The following ARVCF variants were observed in gnomAD, a reference collection of about 807,000 sequenced individuals.
ARVCF encodes the protein splicing regulator ARVCF.
A neutral mutation model predicts 90.9 loss-of-function variants in ARVCF; 66 were observed. The observed-to-expected ratio is 0.73, with a 90% CI of 0.60 to 0.89. The LOEUF is 0.89. Ranked by LOEUF, ARVCF falls within the 40% of genes least tolerant of loss-of-function variation. The pLI is 0.00. For synonymous variants in ARVCF, 653 were observed against 603.4 expected, an observed-to-expected ratio of 1.08 and a Z score of -1.21; for missense variants, 1,469 against 1,382.3, an observed-to-expected ratio of 1.06 and a Z score of -1.00.
chr22:19,973,377 G>C, intron 13 of ARVCF, 60 bp from the exon 14 acceptor site: 1 of 1,517,470 alleles, frequency 6.6e-7, no homozygotes, highest in Non-Finnish European at 8.8e-7. Context: ...GGAAGGAGCA[G>C]GGATCCCGCG....
chr22:20,005,791 G>A (rs927090220), intron 2 of ARVCF, among the ~76,000 whole-genome samples: 44 of 143,656 alleles, frequency 3.1e-4, no homozygotes, highest in African/African-American at 1.1e-3. Flanking sequence ...GCGAGACTCC[G>A]TCTAAAAAAA....
In ARVCF at chr22:19,977,560, C is replaced by A; in HGVS notation, c.1725G>T (p.Met575Ile). The A allele has an allele frequency of 1.3e-6, 2 of 1,564,008 alleles. No individual in the cohort carries two copies. The highest frequency in any genetic ancestry group is 1.7e-6 in the Non-Finnish European group (2 of 1,155,644). Reference sequence around the variant, plus strand: ...TGTGCACGTGGTAGGACAGGTTCCGCATGATGCACACGCAGTTCTCCACCG... The same window carrying A: ...TGTGCACGTGGTAGGACAGGTTCCGAATGATGCACACGCAGTTCTCCACCG... The part of the protein sequence containing the change: ...NKSVENCVCI[M>I]RNLSYHVHKE... Residue 575 changes from methionine to isoleucine, a missense_variant, in exon 9 of 20, where the codon ATG (methionine) becomes ATT (isoleucine). Met to Ile is a conservative substitution (Grantham distance 10, BLOSUM62 1). Transcript: ENST00000263207.
chr22:20,011,715 C>T (rs150263564), intron 1 of ARVCF, among the ~76,000 whole-genome samples: 111 of 152,300 alleles, frequency 7.3e-4, no homozygotes, highest in African/African-American at 2.6e-3. Flanking sequence ...ACCAGCACTG[C>T]GCCCCGAGGA....
At position 19,977,857 on chromosome 22, in the gene ARVCF, C is replaced by G. The variant is rs538110951; in HGVS notation, c.1698+101G>C. 1.7e-5 allele frequency: 23 copies of G among 1,360,502 alleles called. No homozygotes were observed. The South Asian group carries it at 3.2e-4, about 19-fold the overall frequency. 84.3% of individuals were successfully genotyped at this position (1,360,502 alleles called of 1,614,324 possible). ...CACCCAGAACGCCACCCCAGACCCA[C>G]AAGCCCATTCCCCTGTGCTGCTCCC... On this transcript the variant is annotated intron_variant, in intron 8 of 19. Coordinates refer to ENST00000263207, the MANE Select transcript of ARVCF (RefSeq NM_001670.3).
chr22:19,981,075 G>C (rs763552404), intron 5 of ARVCF, 136 bp downstream of exon 5: 2 of 1,204,204 alleles, frequency 1.7e-6, no homozygotes, highest in African/African-American at 3.1e-5. Flanking sequence ...TGTCCCTGAC[G>C]AGAGCCAAGG....
intron 2 of ARVCF, among the ~76,000 whole-genome samples, chr22:20,007,414 C>CA (rs1338835507): frequency 2.6e-5 from 4 of 152,154 alleles, no homozygotes; most frequent in African/African-American, 9.7e-5. Flanking sequence ...AACAAACAAA[C>CA]AAAAAGGAAA....
intron 10 of ARVCF, among the ~76,000 whole-genome samples, 185 bp downstream of exon 10, chr22:19,976,521 A>G (rs1414964238): frequency 2.0e-5 from 3 of 152,162 alleles, no homozygotes; most frequent in African/African-American, 7.2e-5. Flanking sequence ...AACTCTGCCC[A>G]GGTAGGCAAG....
downstream of ARVCF, chr22:19,966,846 T>C (rs1239091595): frequency 1.3e-6 from 1 of 759,822 alleles, no homozygotes; most frequent in Non-Finnish European, 1.6e-6. Context: ...GCTCCAACTC[T>C]TGAAGGGAGG....
In ARVCF at chr22:19,990,637, C is replaced by T. The variant is rs113146115; in HGVS notation, c.158G>A (p.Gly53Asp). 26 of 1,609,484 alleles carry T rather than the reference C, an allele frequency of 1.6e-5. No individual in the cohort carries two copies. In the African/African-American group the frequency reaches 1.7e-4, roughly 11 times the overall value. ...RAQQPGMVSG[G>D]MGSGQPLPMA... ...TGGCAGGGGCTGCCCACTGCCCATG[C>T]CACCACTGACCATGCCAGGCTGCTG... is the stretch of plus-strand genomic sequence containing the variant. Residue 53 changes from glycine to aspartate, a missense_variant, in exon 3 of 20, where the codon GGC (glycine) becomes GAC (aspartate). Physicochemically the swap from Gly to Asp is moderately conservative, Grantham distance 94. Transcript: ENST00000263207.
At position 19,986,766 on chromosome 22, in the gene ARVCF, CGTCCATCCG is replaced by C. The variant is rs202174225; in HGVS notation, c.210+3810_210+3818del. 2,049 of 342,604 alleles carry C rather than the reference CGTCCATCCG, an allele frequency of 6.0e-3. 41 individuals carry two copies. The highest frequency in any genetic ancestry group is 0.041 in the African/African-American group (1,885 of 46,214). 21.2% of individuals were successfully genotyped at this position (342,604 alleles called of 1,614,324 possible). The stretch of plus-strand genomic sequence containing the variant: ...CCTGTCCTGGGCGCTGGCCAAGAAG[CGTCCATCCG>C]GTCCGGGCCGGTGCCAAGAGGAGGG... On this transcript the variant is annotated intron_variant, in intron 3 of 19. Transcript: ENST00000263207.
intron 2 of ARVCF, among the ~76,000 whole-genome samples, chr22:19,998,268 C>A (rs187608682): frequency 2.4e-4 from 37 of 152,330 alleles, no homozygotes; most frequent in Non-Finnish European, 4.0e-4. Flanking sequence ...CGGGGTTAGA[C>A]CCCTTCTTCC....
intron 13 of ARVCF, 97 bp downstream of exon 13, chr22:19,973,546 G>A: frequency 2.6e-6 from 4 of 1,510,584 alleles, no homozygotes; most frequent in South Asian, 2.6e-5. Context: ...CCGGGGCCTG[G>A]ACTCCCAAAC....
At chr22:19,997,681 G>A (rs371480687) in intron 2 of ARVCF, among the ~76,000 whole-genome samples, 83 of 152,312 alleles carry the variant, frequency 5.4e-4, no homozygotes, top group African/African-American at 1.9e-3. Context: ...AGGGCTCAAA[G>A]GCTGGGGAGC....
intron 7 of ARVCF, among the ~76,000 whole-genome samples, chr22:19,978,471 G>A (rs990739901): frequency 3.3e-5 from 5 of 152,168 alleles, no homozygotes; most frequent in African/African-American, 4.8e-5. Flanking sequence ...AGGGCTGCGC[G>A]GGAACACCCT....
At chr22:20,009,828 C>T (rs1005671978) in intron 2 of ARVCF, among the ~76,000 whole-genome samples, 1 of 152,240 alleles carries the variant, frequency 6.6e-6, no homozygotes, top group African/African-American at 2.4e-5. Flanking sequence ...CCTGAGGCCA[C>T]GGGCCAGTAC....
rs1482059243 is a variant in ARVCF, at chr22:19,980,205, C to T, written c.934G>A (p.Ala312Thr). The change falls in exon 6 of 20, where the codon GCG becomes ACG. Residue 312 changes from alanine (A) to threonine (T), a missense_variant. Physicochemically the swap from Ala to Thr is moderately conservative, Grantham distance 58 (BLOSUM62 0). Coordinates refer to ENST00000263207, the MANE Select transcript of ARVCF (RefSeq NM_001670.3). Reference sequence around the variant, plus strand: ...ATTGGGAACGCAGGCCGCTCGTCCGCCAGCTCGCCGCCATCATCTGCTGTG... The same window carrying T: ...ATTGGGAACGCAGGCCGCTCGTCCGTCAGCTCGCCGCCATCATCTGCTGTG... ...EDTADDGGEL[A>T]DERPAFPMVT... 2 of 1,545,298 alleles carry T rather than the reference C, an allele frequency of 1.3e-6. No individual in the cohort carries two copies. The highest frequency in any genetic ancestry group is 1.4e-5 in the African/African-American group (1 of 73,342).
In ARVCF at chr22:19,990,762, GC is replaced by G; in HGVS notation, c.32del (p.Ser11ThrfsTer6). ...CCTGCTCCTTCACCGAGGCCAGGAT[GC>G]TGGCGGCCGAGTGCACATTGCAGTC... MEDCNVHSAA[S>X]ILASVKEQEA... is the part of the protein sequence containing the mutation. On this transcript the variant is annotated frameshift_variant, in exon 3 of 20. Coordinates refer to ENST00000263207, the MANE Select transcript of ARVCF (RefSeq NM_001670.3). LOFTEE classifies it high-confidence loss of function. 6.3e-7 allele frequency: 1 copy of G among 1,580,536 alleles called. No individual in the cohort carries two copies. The highest frequency in any genetic ancestry group is 8.6e-7 in the Non-Finnish European group (1 of 1,162,488).
At chr22:20,016,297 T>C (rs1444486290) in intron 1 of ARVCF, among the ~76,000 whole-genome samples, 1 of 151,738 alleles carries the variant, frequency 6.6e-6, no homozygotes, top group Non-Finnish European at 1.5e-5. Flanking sequence ...GAGTGCTCAG[T>C]GCAAGACGCC....
At chr22:19,982,825 G>A (rs769123516) in intron 3 of ARVCF, among the ~76,000 whole-genome samples, 6 of 152,348 alleles carry the variant, frequency 3.9e-5, no homozygotes, top group Middle Eastern at 6.8e-3. Flanking sequence ...CTGAGACTCT[G>A]GGCATCATAT....
Sources: allele counts gnomAD v4.1 joint callset (sites outside exome capture counted in the v4.1 genomes callset), GRCh38; gene constraint gnomAD v4.1.1; transcripts MANE v1.5; gene names NCBI Gene and HGNC (gene_info 2026-07-23, HGNC 2026-07-21).